Variants in KLHL18 observed in about 807,000 individuals in gnomAD.
The protein encoded by KLHL18 is kelch-like protein 18.
Under a neutral mutation model 58.5 loss-of-function variants are expected in KLHL18, and 38 were observed. That is an observed-to-expected ratio of 0.65 (90% CI 0.50 to 0.85). The LOEUF is 0.85. KLHL18 is among the 40% of genes least tolerant of loss of function. KLHL18 has a pLI of 0.00. For synonymous variants in KLHL18, 303 were observed against 301.9 expected (o/e 1.00, Z -0.04); for missense variants, 624 against 778.4 (o/e 0.80, Z 2.36).
rs547351323 is a variant in KLHL18 at position 47,342,711 on chromosome 3, T to G, written c.1227-8T>G. 2 of 1,612,932 alleles carry G rather than the reference T, an allele frequency of 1.2e-6. No individual in the cohort carries two copies. Among genetic ancestry groups the G allele is most frequent in the East Asian group, 2.2e-5 (1 of 44,882 alleles). Reference sequence around the variant, plus strand: ...TGCTTCCCCTCCTATTTTGACTCTTTCCTGAAGATGGACAGTGGTGACCTC... The same window carrying G: ...TGCTTCCCCTCCTATTTTGACTCTTGCCTGAAGATGGACAGTGGTGACCTC... On this transcript the variant is annotated splice_polypyrimidine_tract_variant and splice_region_variant and intron_variant, in intron 8 of 9. Coordinates refer to ENST00000232766, the MANE Select transcript of KLHL18 (RefSeq NM_025010.5).
Position 47,312,970 on chromosome 3 carries a change from C to T in KLHL18, c.130-6683C>T, listed in dbSNP as rs1030335792. 8.8e-5 allele frequency among the ~76,000 whole-genome samples: 12 copies of T among 135,728 alleles called. No homozygotes were observed. The East Asian group carries it at 1.7e-3, about 20-fold the overall frequency. 89.0% of individuals were successfully genotyped at this position (135,728 alleles called of 152,430 possible). ...TGTCGCCCAGGCTGGAGTGCAGTGG[C>T]GCAATCTCGGCTCACTGTAGGCTCC... On this transcript the variant is annotated intron_variant, in intron 1 of 9. Coordinates refer to ENST00000232766, the MANE Select transcript of KLHL18 (RefSeq NM_025010.5).
chr3:47,329,819 A>G (rs1703812098), intron 3 of KLHL18, 132 bp from the exon 4 acceptor site: 1 of 711,908 alleles, frequency 1.4e-6, no homozygotes, highest in Non-Finnish European at 2.4e-6. Context: ...GTCCCAGAGA[A>G]ATACAGTTTC....
chr3:47,334,742 C>G lies in KLHL18; in HGVS notation c.821C>G (p.Pro274Arg). 1 of 1,614,198 alleles carries G rather than the reference C, an allele frequency of 6.2e-7. No individual in the cohort carries two copies. The change falls in exon 6 of 10, where the codon CCA becomes CGA. Residue 274 changes from proline to arginine, a missense_variant. Pro to Arg is a moderately radical substitution (Grantham distance 103, BLOSUM62 -2). Coordinates refer to ENST00000232766, the MANE Select transcript of KLHL18 (RefSeq NM_025010.5). The surrounding 1 kb of genome is among the most constrained non-coding windows in gnomAD (Gnocchi z 4.7). ...HLMPERRPHL[P>R]AFRTRPRCCT... ...ATGCCAGAGCGCCGGCCCCACCTGC[C>G]AGCTTTCAGAACCCGGCCACGCTGC... is the stretch of plus-strand genomic sequence containing the variant.
chr3:47,286,063 C>T (rs1702669246), intron 1 of KLHL18, among the ~76,000 whole-genome samples: 2 of 151,794 alleles, frequency 1.3e-5, no homozygotes, highest in South Asian at 2.1e-4. Flanking sequence ...AAGAATCAGA[C>T]GTAGTTTCAA....
Position 47,319,686 on chromosome 3 carries a change from G to T in KLHL18, c.163G>T (p.Val55Phe). The change falls in exon 2 of 10, where the codon GTC becomes TTC. Residue 55 changes from valine to phenylalanine, a missense_variant. By Grantham distance (50) the Val-to-Phe change is conservative. Transcript: ENST00000232766. ...GDHKFSAHRI[V>F]LAASIPYFHA... ...CCACAAATTCAGTGCCCACCGGATT[G>T]TCTTAGCAGCCTCGATCCCGTATTT... is the stretch of plus-strand genomic sequence containing the variant. 1 of 1,613,802 alleles carries T rather than the reference G, an allele frequency of 6.2e-7. No individual in the cohort carries two copies. Among genetic ancestry groups the T allele is most frequent in the Non-Finnish European group, 8.5e-7 (1 of 1,179,830 alleles).
chr3:47,309,371 C>T (rs1341502902), intron 1 of KLHL18, among the ~76,000 whole-genome samples: 2 of 151,962 alleles, frequency 1.3e-5, no homozygotes, highest in East Asian at 1.9e-4. Flanking sequence ...CTCCTCACTT[C>T]TCAGACGGGG....
In KLHL18 at chr3:47,283,013, C is replaced by T. The variant is rs916237711; in HGVS notation, c.48C>T (p.Ser16=). 1 of 1,610,176 alleles carries T rather than the reference C, an allele frequency of 6.2e-7. No homozygotes were observed. The change falls in exon 1 of 10, where the codon TCC becomes TCT. Residue 16 remains serine, a synonymous_variant. Coordinates refer to ENST00000232766, the MANE Select transcript of KLHL18 (RefSeq NM_025010.5). ...AGCTGGAGGATCTGGTGCACTTCTCCGTGTCTGAGTTGCCTAGTCGCGGCT... is the reference window on the plus strand; with the variant it reads ...AGCTGGAGGATCTGGTGCACTTCTCTGTGTCTGAGTTGCCTAGTCGCGGCT... ...AEELEDLVHF[S]VSELPSRGYG... is the part of the protein sequence containing the mutation.
chr3:47,302,485 A>G (rs1703049367), intron 1 of KLHL18, among the ~76,000 whole-genome samples: 1 of 151,526 alleles, frequency 6.6e-6, no homozygotes, highest in African/African-American at 2.4e-5. Flanking sequence ...CTCTGTCTCA[A>G]ACAAACAAAC....
intron 1 of KLHL18, among the ~76,000 whole-genome samples, chr3:47,300,313 G>GTATATATATATATATA (rs1559488708): frequency 6.1e-4 from 54 of 88,220 alleles, no homozygotes; most frequent in African/African-American, 1.6e-3. Flanking sequence ...ATATATATGT[G>GTATATATATATATATA]TGTATATATG....
chr3:47,320,871 CCACTA>C (rs1438917863), intron 2 of KLHL18, among the ~76,000 whole-genome samples: 1 of 152,152 alleles, frequency 6.6e-6, no homozygotes, highest in Non-Finnish European at 1.5e-5. Flanking sequence ...TGTGATCACA[CCACTA>C]CACTCCAGCC....
intron 1 of KLHL18, among the ~76,000 whole-genome samples, chr3:47,315,474 A>G (rs1576159933): frequency 6.6e-6 from 1 of 152,240 alleles, no homozygotes; most frequent in East Asian, 1.9e-4. Flanking sequence ...TCAGTAGTGC[A>G]TGGTAGAACC....
At chr3:47,308,063 A>T (rs959708238) in intron 1 of KLHL18, among the ~76,000 whole-genome samples, 1 of 152,110 alleles carries the variant, frequency 6.6e-6, no homozygotes, top group Non-Finnish European at 1.5e-5. Context: ...CACCAGCTTC[A>T]TGGCCTTTAT....
chr3:47,312,415 G>A (rs533215481), intron 1 of KLHL18, among the ~76,000 whole-genome samples: 1 of 152,266 alleles, frequency 6.6e-6, no homozygotes, highest in South Asian at 2.1e-4. Flanking sequence ...GTGACTAAAG[G>A]TAGAGATGTA....
At chr3:47,327,234 G>A (rs570486034) in intron 3 of KLHL18, among the ~76,000 whole-genome samples, 6 of 151,764 alleles carry the variant, frequency 4.0e-5, no homozygotes, top group Admixed American at 6.6e-5. Flanking sequence ...AGGAGACTCC[G>A]TCTCAAAAAA....
intron 1 of KLHL18, among the ~76,000 whole-genome samples, chr3:47,303,849 A>G (rs754724606): frequency 1.3e-5 from 2 of 151,826 alleles, no homozygotes; most frequent in Non-Finnish European, 2.9e-5. Flanking sequence ...CAAACTCCCA[A>G]GTAGCTGGGA....
intron 9 of KLHL18, among the ~76,000 whole-genome samples, chr3:47,343,078 T>C (rs1380494430): frequency 6.6e-6 from 1 of 152,228 alleles, no homozygotes. Context: ...TGTTGAACAC[T>C]ACATAGAACT....
At chr3:47,340,540 C>G (rs2107663681) in intron 7 of KLHL18, 32 bp from the exon 8 acceptor site, 2 of 1,613,518 alleles carry the variant, frequency 1.2e-6, no homozygotes, top group East Asian at 4.5e-5. Flanking sequence ...AAGGCTGCGG[C>G]TCATCTGGGA....
chr3:47,313,387 CATTTT>C (rs1007095084), intron 1 of KLHL18, among the ~76,000 whole-genome samples: 4 of 151,858 alleles, frequency 2.6e-5, no homozygotes, highest in African/African-American at 9.7e-5. Context: ...CCAGCTAATT[CATTTT>C]ATTTTATTTT....
Position 47,345,040 on chromosome 3 carries a change from C to T in KLHL18, c.*1099C>T, listed in dbSNP as rs1704199286. 1 of 152,428 alleles carries T rather than the reference C, an allele frequency of 6.6e-6. No homozygotes were observed. The highest frequency in any genetic ancestry group is 1.5e-5 in the Non-Finnish European group (1 of 68,080). 9.4% of individuals were successfully genotyped at this position (152,428 alleles called of 1,614,324 possible). A position where few individuals can be genotyped will look rare whatever the true frequency, so the allele number is the denominator to read the frequency against. On this transcript the variant is annotated 3_prime_UTR_variant, in exon 10 of 10. Coordinates refer to ENST00000232766, the MANE Select transcript of KLHL18 (RefSeq NM_025010.5). ...CGCCCCTGTGATTACCTCCTACTGC[C>T]ACCATGGCGCTCATTCAGATTCCCC...
Sources: allele counts gnomAD v4.1 joint callset (sites outside exome capture counted in the v4.1 genomes callset), GRCh38; gene constraint gnomAD v4.1.1; non-coding constraint Gnocchi (gnomAD v3.1); transcripts MANE v1.5; gene names NCBI Gene and HGNC (gene_info 2026-07-23, HGNC 2026-07-21).